The following NDST4 variants were observed in gnomAD, a reference collection of about 807,000 sequenced individuals.
The protein encoded by NDST4 is N-heparan sulfate sulfotransferase 4.
A neutral mutation model predicts 100.8 loss-of-function variants in NDST4; 63 were observed. The observed-to-expected ratio is 0.62, with a 90% CI of 0.51 to 0.77. The LOEUF (loss-of-function observed/expected upper bound fraction) is 0.77. Among genes scored for constraint, NDST4 ranks in the 30% least tolerant of loss-of-function variants. The probability of loss-of-function intolerance (pLI) is 0.00; values close to 1 mark genes in which losing one functional copy is unlikely to be tolerated. For synonymous variants in NDST4, 377 were observed against 361.8 expected, an observed-to-expected ratio of 1.04 and a Z score of -0.48; for missense variants, 943 against 1,018.4, an observed-to-expected ratio of 0.93 and a Z score of 1.01.
chr4:114,925,767 T>C (rs1045764467), intron 6 of NDST4, among the ~76,000 whole-genome samples: 3 of 152,152 alleles, frequency 2.0e-5, no homozygotes, highest in Admixed American at 2.0e-4. Flanking sequence ...TTCTGGCTCC[T>C]GAACTGCTAT....
At chr4:114,970,766 A>C (rs964544326) in intron 3 of NDST4, among the ~76,000 whole-genome samples, 182 bp from the exon 4 acceptor site, 1 of 152,168 alleles carries the variant, frequency 6.6e-6, no homozygotes, top group African/African-American at 2.4e-5. Context: ...ACTTGGGATT[A>C]GGATGGGGTG....
At chr4:114,958,851 T>C (rs1726198217) in intron 4 of NDST4, among the ~76,000 whole-genome samples, 1 of 152,210 alleles carries the variant, frequency 6.6e-6, no homozygotes, top group Non-Finnish European at 1.5e-5. Context: ...ACTTTTATGC[T>C]CTGCTTCCCT....
chr4:115,110,640 T>C (rs1427122198), intron 1 of NDST4, among the ~76,000 whole-genome samples: 2 of 151,970 alleles, frequency 1.3e-5, no homozygotes, highest in Non-Finnish European at 2.9e-5. Context: ...TCCAAGATCA[T>C]GGTTAGATGA....
At chr4:115,077,620 C>G (rs1263911012) in intron 1 of NDST4, among the ~76,000 whole-genome samples, 2 of 152,134 alleles carry the variant, frequency 1.3e-5, no homozygotes, top group Admixed American at 1.3e-4. Context: ...TACCATAAAA[C>G]TATTCTACAG....
intron 4 of NDST4, among the ~76,000 whole-genome samples, chr4:114,947,970 CT>C (rs879466713): frequency 6.6e-6 from 1 of 152,044 alleles, no homozygotes; most frequent in Admixed American, 6.6e-5. Flanking sequence ...TCGAAGCTGT[CT>C]ACCGTGTGCT....
At chr4:115,011,102 T>C (rs545840030) in intron 2 of NDST4, among the ~76,000 whole-genome samples, 1 of 152,090 alleles carries the variant, frequency 6.6e-6, no homozygotes, top group East Asian at 1.9e-4. Context: ...GACAAATAGA[T>C]ACAAAAAGGA....
intron 1 of NDST4, among the ~76,000 whole-genome samples, chr4:115,107,897 C>T (rs1018038857): frequency 3.3e-5 from 5 of 151,950 alleles, no homozygotes; most frequent in African/African-American, 1.2e-4. Flanking sequence ...AGTTCAACCT[C>T]GATTGATCAA....
At chr4:115,109,825 A>T (rs1445130125) in intron 1 of NDST4, among the ~76,000 whole-genome samples, 2 of 151,932 alleles carry the variant, frequency 1.3e-5, no homozygotes, top group African/African-American at 4.8e-5. Context: ...AGTTTATTTT[A>T]TTAAAACCTA....
At chr4:114,933,432 C>CTTTTTTTTTTTTTTTTTTTCTTT (rs1725556113) in intron 6 of NDST4, among the ~76,000 whole-genome samples, 26 of 89,242 alleles carry the variant, frequency 2.9e-4, no homozygotes, top group East Asian at 8.9e-4. Flanking sequence ...TTTTCTTTTC[C>CTTTTTTTTTTTTTTTTTTTCTTT]TTTTTTTTTT....
intron 2 of NDST4, among the ~76,000 whole-genome samples, chr4:115,070,254 C>G (rs146002383): frequency 3.5e-4 from 53 of 152,204 alleles, no homozygotes; most frequent in African/African-American, 1.3e-3. Context: ...GAGATCATAT[C>G]CTCTGCAGGA....
At chr4:115,071,328 A>T (rs1729074439) in intron 2 of NDST4, among the ~76,000 whole-genome samples, 1 of 150,338 alleles carries the variant, frequency 6.7e-6, no homozygotes, top group East Asian at 2.0e-4. Context: ...ACATTGATAG[A>T]GGGAGGTGGT....
chr4:114,944,836 A>T (rs1235456887), intron 4 of NDST4, among the ~76,000 whole-genome samples: 3 of 152,186 alleles, frequency 2.0e-5, no homozygotes, highest in Admixed American at 1.3e-4. Context: ...AGGTGAGCAC[A>T]AACACCACCC....
chr4:114,866,692 A>G lies in NDST4; in HGVS notation c.1719+4076T>C, dbSNP rs75782303. ...TATATGACAAGCATAAGTGTCTGCA[A>G]TTCTGTGTGGTAAGTGCAGTAATAT... On this transcript the variant is annotated intron_variant, in intron 7 of 13. Coordinates refer to ENST00000264363, the MANE Select transcript of NDST4 (RefSeq NM_022569.3). Among the ~76,000 whole-genome samples, 949 of 152,300 alleles carry G rather than the reference A, an allele frequency of 6.2e-3. 8 individuals are homozygous for G. Among genetic ancestry groups the G allele is most frequent in the African/African-American group, 0.022 (913 of 41,572 alleles).
intron 6 of NDST4, among the ~76,000 whole-genome samples, chr4:114,884,471 T>C (rs574238958): frequency 3.9e-5 from 6 of 152,318 alleles, no homozygotes; most frequent in Admixed American, 2.0e-4. Flanking sequence ...TAGGTTTCAA[T>C]GTAGCACATG....
intron 2 of NDST4, among the ~76,000 whole-genome samples, chr4:115,061,480 G>A (rs1054539375): frequency 2.0e-5 from 3 of 152,102 alleles, no homozygotes; most frequent in Non-Finnish European, 4.4e-5. Context: ...GCAGGAAAAT[G>A]AATGAAGCTG....
At chr4:115,051,965 C>A (rs1251801211) in intron 2 of NDST4, among the ~76,000 whole-genome samples, 1 of 151,992 alleles carries the variant, frequency 6.6e-6, no homozygotes, top group Admixed American at 6.6e-5. Flanking sequence ...GATTTTGATC[C>A]AAGCCATTTT....
intron 6 of NDST4, among the ~76,000 whole-genome samples, chr4:114,923,205 T>G (rs1051852164): frequency 2.6e-5 from 4 of 152,212 alleles, no homozygotes; most frequent in African/African-American, 9.6e-5. Flanking sequence ...AAGCCAGAAG[T>G]ATTTGCTTTC....
intron 3 of NDST4, among the ~76,000 whole-genome samples, chr4:114,971,981 T>C (rs1177089178): frequency 1.3e-5 from 2 of 151,888 alleles, no homozygotes; most frequent in African/African-American, 4.8e-5. Context: ...ATTAATTTAT[T>C]AAAGCACTTA....
At chr4:115,020,578 T>A (rs1727788107) in intron 2 of NDST4, among the ~76,000 whole-genome samples, 2 of 151,992 alleles carry the variant, frequency 1.3e-5, no homozygotes, top group Non-Finnish European at 2.9e-5. Context: ...ACTAAAGAAC[T>A]TTTGCATGGC....
Sources: allele counts gnomAD v4.1 joint callset (sites outside exome capture counted in the v4.1 genomes callset), GRCh38; gene constraint gnomAD v4.1.1; transcripts MANE v1.5; gene names NCBI Gene and HGNC (gene_info 2026-07-23, HGNC 2026-07-21).